Variants in MAMDC2 observed in about 807,000 individuals in gnomAD.
MAMDC2 encodes the protein MAM domain-containing protein 2.
In MAMDC2, 57 loss-of-function variants were observed where a neutral mutation model predicts 89.8. The observed-to-expected ratio is 0.63, with a 90% CI of 0.51 to 0.79. The LOEUF is 0.79. MAMDC2 is among the 30% of genes least tolerant of loss of function. The pLI is 0.00. For synonymous variants in MAMDC2, 313 were observed against 293.4 expected (o/e 1.07, Z -0.68); for missense variants, 800 against 820.6 (o/e 0.97, Z 0.31).
intron 7 of MAMDC2, among the ~76,000 whole-genome samples, chr9:70,139,916 C>G (rs1437546106): frequency 6.6e-6 from 1 of 152,126 alleles, no homozygotes; most frequent in Non-Finnish European, 1.5e-5. Context: ...GTGAACAGTG[C>G]TCCTTTCTCC....
chr9:70,062,221 G>A (rs985314031), intron 2 of MAMDC2, among the ~76,000 whole-genome samples: 1 of 151,440 alleles, frequency 6.6e-6, no homozygotes, highest in Non-Finnish European at 1.5e-5. Context: ...GTTTTGGAAG[G>A]ATACACTTGG....
At chr9:70,223,992 T>C (rs1022507054) in intron 12 of MAMDC2, among the ~76,000 whole-genome samples, 2 of 152,204 alleles carry the variant, frequency 1.3e-5, no homozygotes, top group Non-Finnish European at 2.9e-5. Context: ...CATAGACTAT[T>C]CAGAATATAA....
chr9:70,069,964 A>T (rs2997675), intron 2 of MAMDC2, among the ~76,000 whole-genome samples: 1 of 152,140 alleles, frequency 6.6e-6, no homozygotes, highest in Non-Finnish European at 1.5e-5. Flanking sequence ...CCCTGCCTGA[A>T]ACTGCTCCAA....
intron 3 of MAMDC2, 118 bp downstream of exon 3, chr9:70,108,600 T>A: frequency 1.2e-6 from 1 of 849,986 alleles, no homozygotes; most frequent in Non-Finnish European, 1.7e-6. Flanking sequence ...GACGTGATGT[T>A]TCATAAGATA....
At position 70,126,359 on chromosome 9, in the gene MAMDC2, G is replaced by C. The variant is rs1563965712; in HGVS notation, c.844G>C (p.Gly282Arg). ...YEEIWKADRP[G>R]NAAWNLAEVE... is the part of the protein sequence containing the mutation. ...GGAAATCTGGAAAGCAGACAGGCCA[G>C]GGAATGCTGCCTGGAACCTTGCGGA... The change falls in exon 6 of 14, where the codon GGG becomes CGG. Residue 282 changes from glycine to arginine, a missense_variant. Coordinates refer to ENST00000377182, the MANE Select transcript of MAMDC2 (RefSeq NM_153267.5). 2 of 1,614,094 alleles carry C rather than the reference G, an allele frequency of 1.2e-6. No individual in the cohort carries two copies. Among genetic ancestry groups the C allele is most frequent in the South Asian group, 2.2e-5 (2 of 91,076 alleles).
At chr9:70,185,955 T>C (rs1021283338) in intron 11 of MAMDC2, among the ~76,000 whole-genome samples, 4 of 152,216 alleles carry the variant, frequency 2.6e-5, no homozygotes, top group Admixed American at 6.5e-5. Flanking sequence ...GTCTTCTGCA[T>C]AGGTCTTGCT....
intron 11 of MAMDC2, among the ~76,000 whole-genome samples, chr9:70,192,330 TA>T (rs2032896931): frequency 6.6e-6 from 1 of 152,072 alleles, no homozygotes; most frequent in Non-Finnish European, 1.5e-5. Context: ...TTTTCAGTAT[TA>T]TTTATTTAAG....
rs1209131978 is a variant in MAMDC2, at chr9:70,199,199, C to CCTCCCCG, written c.1652-19132_1652-19131insGCTCCCC. 2.9e-4 allele frequency among the ~76,000 whole-genome samples: 6 copies of CCTCCCCG among 20,378 alleles called. 1 individual carries two copies. The highest frequency in any genetic ancestry group is 6.0e-4 in the Non-Finnish European group (5 of 8,328). 13.4% of individuals were successfully genotyped at this position (20,378 alleles called of 152,430 possible). A position where few individuals can be genotyped will look rare whatever the true frequency, so the allele number is the denominator to read the frequency against. ...ATTAGGTATATCTCCCAATGCTATC[C>CCTCCCCG]CTCCCCCCACCCCACCACAGTCCCC... On this transcript the variant is annotated intron_variant, in intron 11 of 13. Transcript: ENST00000377182.
Position 70,113,140 on chromosome 9 carries a change from G to A in MAMDC2, c.643+8G>A. The A allele has an allele frequency of 2.5e-6, 4 of 1,613,732 alleles. No homozygotes were observed. The highest frequency in any genetic ancestry group is 3.4e-6 in the Non-Finnish European group (4 of 1,179,888). On this transcript the variant is annotated splice_region_variant and intron_variant, in intron 5 of 13. Transcript: ENST00000377182. Reference sequence around the variant, plus strand: ...CCTTCAAGAGTGAACTGGGTGAGCTGGGATCAAATAGAGTCCTTTTCCCAG... The same window carrying A: ...CCTTCAAGAGTGAACTGGGTGAGCTAGGATCAAATAGAGTCCTTTTCCCAG...
chr9:70,224,860 C>T (rs2033619484), intron 12 of MAMDC2, among the ~76,000 whole-genome samples: 2 of 152,170 alleles, frequency 1.3e-5, no homozygotes, highest in African/African-American at 4.8e-5. Flanking sequence ...GTCACTGAAG[C>T]ATCTTTGAAA....
At chr9:70,161,293 T>C (rs774711126) in intron 9 of MAMDC2, among the ~76,000 whole-genome samples, 24 of 152,212 alleles carry the variant, frequency 1.6e-4, no homozygotes, top group Non-Finnish European at 3.1e-4. Flanking sequence ...AGCCCAGACC[T>C]GAAGGCTCCT....
intron 1 of MAMDC2, 37 bp downstream of exon 1, chr9:70,044,268 C>T (rs1826677076): frequency 6.2e-7 from 1 of 1,605,368 alleles, no homozygotes. Flanking sequence ...CGGGGGCGCT[C>T]TGACGACTCG....
At chr9:70,208,612 T>A (rs1292162992) in intron 11 of MAMDC2, among the ~76,000 whole-genome samples, 1 of 152,174 alleles carries the variant, frequency 6.6e-6, no homozygotes, top group African/African-American at 2.4e-5. Flanking sequence ...TTTCCTAACT[T>A]AATACCCTTT....
chr9:70,113,132 G>A lies in MAMDC2; in HGVS notation c.643G>A (p.Gly215Ser), dbSNP rs200786169. ...PQDHTFKSEL[G>S]HYMYVDSVYV... Reference sequence around the variant, plus strand: ...GGATCACACCTTCAAGAGTGAACTGGGTGAGCTGGGATCAAATAGAGTCCT... The same window carrying A: ...GGATCACACCTTCAAGAGTGAACTGAGTGAGCTGGGATCAAATAGAGTCCT... Residue 215 changes from glycine (G) to serine (S), a missense_variant and splice_region_variant, in exon 5 of 14, where the codon GGC becomes AGC. Coordinates refer to ENST00000377182, the MANE Select transcript of MAMDC2 (RefSeq NM_153267.5). 1 of 1,613,876 alleles carries A rather than the reference G, an allele frequency of 6.2e-7. No homozygotes were observed. The highest frequency in any genetic ancestry group is 2.2e-5 in the East Asian group (1 of 44,850).
At chr9:70,172,179 T>C (rs998599427) in intron 11 of MAMDC2, 1 of 152,226 alleles carries the variant, frequency 6.6e-6, no homozygotes, top group African/African-American at 2.4e-5. Context: ...AAAAGTCCAG[T>C]TCAAATCAAA....
intron 7 of MAMDC2, among the ~76,000 whole-genome samples, chr9:70,133,938 C>T (rs1044830401): frequency 6.6e-6 from 1 of 152,224 alleles, no homozygotes; most frequent in Non-Finnish European, 1.5e-5. Context: ...TTATGTCTTT[C>T]ATTGAGCAGC....
chr9:70,138,599 TCTGA>T (rs373004380), intron 7 of MAMDC2, among the ~76,000 whole-genome samples: 67 of 152,326 alleles, frequency 4.4e-4, no homozygotes, highest in Middle Eastern at 3.4e-3. Context: ...TAATAGCCAT[TCTGA>T]CTAAGATGAT....
chr9:70,204,916 G>A (rs1007969420), intron 11 of MAMDC2, among the ~76,000 whole-genome samples: 4 of 152,252 alleles, frequency 2.6e-5, no homozygotes, highest in Non-Finnish European at 4.4e-5. Flanking sequence ...GCTTCAGCTC[G>A]CGCATGGTGC....
At chr9:70,123,391 C>T (rs181095973) in intron 5 of MAMDC2, among the ~76,000 whole-genome samples, 2 of 152,246 alleles carry the variant, frequency 1.3e-5, no homozygotes, top group East Asian at 3.9e-4. Flanking sequence ...GAGTGACCTT[C>T]CCTCCATATC....
Sources: allele counts gnomAD v4.1 joint callset (sites outside exome capture counted in the v4.1 genomes callset), GRCh38; gene constraint gnomAD v4.1.1; transcripts MANE v1.5; gene names NCBI Gene and HGNC (gene_info 2026-07-23, HGNC 2026-07-21).